PNMA3: variants seen among roughly 807,000 people sequenced by gnomAD.
PNMA3 encodes the protein PNMA family member 3.
In PNMA3, 10 loss-of-function variants were observed where a neutral mutation model predicts 25.1. The observed-to-expected ratio is 0.40, with a 90% CI of 0.25 to 0.68. The LOEUF (loss-of-function observed/expected upper bound fraction) is 0.68, where lower values mean the gene tolerates loss of function less well. Ranked by LOEUF, PNMA3 falls within the 30% of genes least tolerant of loss-of-function variation. PNMA3 has a pLI of 0.40. For synonymous variants in PNMA3, 134 were observed against 148.7 expected (o/e 0.90, Z 0.72); for missense variants, 317 against 372.1 (o/e 0.85, Z 1.22).
In PNMA3 at chrX:153,057,685, G is replaced by A. The variant is rs782124696; in HGVS notation, c.630G>A (p.Arg210=). 1.4e-5 allele frequency: 17 copies of A among 1,210,491 alleles called. No homozygotes were observed. The African/African-American group carries it at 2.6e-4, about 19-fold the overall frequency. ...GGCGGAGGCTGATGGAATGCTTACG[G>A]GGCCCTGCTCTCCAGGTGGTCAGTG... ...EKRRRLMECL[R]GPALQVVSGL... The change falls in exon 2 of 2, where the codon CGG becomes CGA. Residue 210 remains arginine, a synonymous_variant. Transcript: ENST00000593810.
Position 153,059,949 on chromosome X carries a change from C to T in PNMA3, c.*1502C>T, listed in dbSNP as rs781904962. The T allele has an allele frequency of 8.0e-6, 1 of 124,859 alleles. No homozygotes were observed. The highest frequency in any genetic ancestry group is 2.8e-4 in the East Asian group (1 of 3,589). 10.3% of individuals were successfully genotyped at this position (124,859 alleles called of 1,213,427 possible). A position where few individuals can be genotyped will look rare whatever the true frequency, so the allele number is the denominator to read the frequency against. ...CACCAGGGCAAGGCGGACGCTCACCCTGTGACCACGATGGTGACCGTGACT... is the reference window on the plus strand; with the variant it reads ...CACCAGGGCAAGGCGGACGCTCACCTTGTGACCACGATGGTGACCGTGACT... On this transcript the variant is annotated 3_prime_UTR_variant, in exon 2 of 2. Transcript: ENST00000593810.
chrX:153,056,966 C>T lies in PNMA3; in HGVS notation c.-90C>T, dbSNP rs112872629. On this transcript the variant is annotated 5_prime_UTR_variant, in exon 2 of 2. Transcript: ENST00000593810. ...CATTCACAGGCTGTGGAGACCTGGG[C>T]CTTCTGCGATCACCCTAGGAGTTGA... 20 of 1,116,965 alleles carry T rather than the reference C, an allele frequency of 1.8e-5. No individual in the cohort carries two copies. Among genetic ancestry groups the T allele is most frequent in the Non-Finnish European group, 2.1e-5 (18 of 838,879 alleles). The allele number at this position is 1,116,965 out of a possible 1,213,427, so 92.1% of individuals were successfully genotyped here.
intron 1 of PNMA3, 131 bp from the exon 2 acceptor site, chrX:153,056,819 G>A: frequency 5.5e-6 from 2 of 361,467 alleles, no homozygotes; most frequent in Non-Finnish European, 9.3e-6. Context: ...GGGCTGGGCA[G>A]GGGCGGGGCC....
chrX:153,057,419 C>T lies in PNMA3; in HGVS notation c.364C>T (p.Arg122Ter), dbSNP rs2051150775. The part of the protein sequence containing the change: ...EERRTVSDMN[R>*]VLGSDTNCSA... ...GAGGCGGACCGTGTCAGATATGAACCGAGTCCTCGGGTCGGACACCAATTG... is the reference window on the plus strand; with the variant it reads ...GAGGCGGACCGTGTCAGATATGAACTGAGTCCTCGGGTCGGACACCAATTG... The change falls in exon 2 of 2, where the codon CGA becomes TGA. Residue 122 changes from arginine (R) to a stop codon, truncating the protein, a stop_gained. Transcript: ENST00000593810. LOFTEE classifies it high-confidence loss of function. 8.3e-7 allele frequency: 1 copy of T among 1,209,347 alleles called. No individual in the cohort carries two copies. The highest frequency in any genetic ancestry group is 3.0e-5 in the East Asian group (1 of 33,747).
rs6526155 is a variant in PNMA3 at position 153,058,185 on chromosome X, C to G, written c.1130C>G (p.Ala377Gly). The change falls in exon 2 of 2, where the codon GCG (alanine) becomes GGG (glycine). Residue 377 changes from alanine (A) to glycine (G), a missense_variant. Ala to Gly is a moderately conservative substitution (Grantham distance 60). Coordinates refer to ENST00000593810, the MANE Select transcript of PNMA3 (RefSeq NM_013364.6). ...CCTGCCTCTGGCAACAGTTTTGATG[C>G]GAGGCCTTCCCAGGGCTACCGGCGC... ...PLPASGNSFD[A>G]RPSQGYRRRR... The G allele has an allele frequency of 8.3e-7, 1 of 1,211,148 alleles. No individual in the cohort carries two copies. Among genetic ancestry groups the G allele is most frequent in the Non-Finnish European group, 1.1e-6 (1 of 895,057 alleles).
chrX:153,056,818 A>T, intron 1 of PNMA3, 132 bp from the exon 2 acceptor site: 2 of 209,074 alleles, frequency 9.6e-6, no homozygotes, highest in Non-Finnish European at 7.6e-6. Context: ...GGGGCTGGGC[A>T]GGGGCGGGGC....
rs35603712 is a variant in PNMA3, at chrX:153,058,212, G to A, written c.1157G>A (p.Arg386Gln). The A allele has an allele frequency of 7.9e-4, 962 of 1,210,862 alleles. 4 individuals are homozygous for A. In the African/African-American group the frequency reaches 0.015, roughly 19 times the overall value. Residue 386 changes from arginine (R) to glutamine (Q), a missense_variant, in exon 2 of 2, where the codon CGG (arginine) becomes CAG (glutamine). Transcript: ENST00000593810. ...AGGCCTTCCCAGGGCTACCGGCGCC[G>A]GAGGGGCAGAGGCCAACACCGAAGG... ...DARPSQGYRR[R>Q]RGRGQHRRGG... is the part of the protein sequence containing the mutation.
rs900820132 is a variant in PNMA3 at position 153,058,159 on chromosome X, C to T, written c.1104C>T (p.Leu368=). Residue 368 remains leucine (L), a synonymous_variant, in exon 2 of 2, where the codon CTC becomes CTT. Coordinates refer to ENST00000593810, the MANE Select transcript of PNMA3 (RefSeq NM_013364.6). ...ARITGVGAVP[L]PASGNSFDAR... ...TCACTGGGGTTGGGGCAGTACCTCT[C>T]CCTGCCTCTGGCAACAGTTTTGATG... 2 of 1,210,753 alleles carry T rather than the reference C, an allele frequency of 1.7e-6. No homozygotes were observed. Among genetic ancestry groups the T allele is most frequent in the Non-Finnish European group, 2.2e-6 (2 of 895,292 alleles).
rs782532724 is a variant in PNMA3, at chrX:153,057,663, G to A, written c.608G>A (p.Arg203Gln). Residue 203 changes from arginine to glutamine, a missense_variant, in exon 2 of 2, where the codon CGG becomes CAG. By Grantham distance (43) the Arg-to-Gln change is conservative. Coordinates refer to ENST00000593810, the MANE Select transcript of PNMA3 (RefSeq NM_013364.6). ...MWQVPEGEKR[R>Q]RLMECLRGPA... The stretch of plus-strand genomic sequence containing the variant: ...CAGGTGCCCGAGGGGGAAAAGAGGC[G>A]GAGGCTGATGGAATGCTTACGGGGC... 1.7e-6 allele frequency: 2 copies of A among 1,211,711 alleles called. No homozygotes were observed. The highest frequency in any genetic ancestry group is 3.0e-5 in the East Asian group (1 of 33,839).
Position 153,058,179 on chromosome X carries a change from T to C in PNMA3, c.1124T>C (p.Phe375Ser), listed in dbSNP as rs1556932376. 8.3e-7 allele frequency: 1 copy of C among 1,211,899 alleles called. No individual in the cohort carries two copies. Among genetic ancestry groups the C allele is most frequent in the Admixed American group, 2.2e-5 (1 of 46,135 alleles). Reference sequence around the variant, plus strand: ...CCTCTCCCTGCCTCTGGCAACAGTTTTGATGCGAGGCCTTCCCAGGGCTAC... The same window carrying C: ...CCTCTCCCTGCCTCTGGCAACAGTTCTGATGCGAGGCCTTCCCAGGGCTAC... ...AVPLPASGNS[F>S]DARPSQGYRR... is the part of the protein sequence containing the mutation. Residue 375 changes from phenylalanine (F) to serine (S), a missense_variant, in exon 2 of 2, where the codon TTT becomes TCT. By Grantham distance (155) the Phe-to-Ser change is radical. Transcript: ENST00000593810.
At position 153,059,550 on chromosome X, in the gene PNMA3, G is replaced by A. The variant is rs1556932740; in HGVS notation, c.*1103G>A. The A allele has an allele frequency of 2.4e-5, 3 of 123,484 alleles. No homozygotes were observed. The highest frequency in any genetic ancestry group is 3.8e-5 in the Non-Finnish European group (2 of 53,223). The allele number at this position is 123,484 out of a possible 1,213,427, so 10.2% of individuals were successfully genotyped here. On this transcript the variant is annotated 3_prime_UTR_variant, in exon 2 of 2. Transcript: ENST00000593810. ...GGTGCCAGATGCCTGGGTCTCCCAA[G>A]AGGGGTCCCCCAACTCACTGTTCCC...
In PNMA3 at chrX:153,057,821, G is replaced by A; in HGVS notation, c.766G>A (p.Ala256Thr). The part of the protein sequence containing the change: ...HKIAQVKLCK[A>T]YQEAGEKVSS... The stretch of plus-strand genomic sequence containing the variant: ...AATTGCCCAGGTGAAGTTGTGTAAA[G>A]CCTATCAGGAGGCAGGAGAGAAAGT... The change falls in exon 2 of 2, where the codon GCC becomes ACC. Residue 256 changes from alanine to threonine, a missense_variant. By Grantham distance (58) the Ala-to-Thr change is moderately conservative. Coordinates refer to ENST00000593810, the MANE Select transcript of PNMA3 (RefSeq NM_013364.6). 8.2e-7 allele frequency: 1 copy of A among 1,212,508 alleles called. No individual in the cohort carries two copies.
In PNMA3 at chrX:153,057,592, C is replaced by G. The variant is rs782084967; in HGVS notation, c.537C>G (p.Ala179=). 6.6e-6 allele frequency: 8 copies of G among 1,211,558 alleles called. No individual in the cohort carries two copies. Among genetic ancestry groups the G allele is most frequent in the Non-Finnish European group, 8.9e-6 (8 of 895,432 alleles). ...GNTISIPGAL[A]FDAWLEHTTE... ...CCATATCCATCCCAGGTGCACTGGCCTTTGATGCCTGGCTTGAGCACACCA... is the reference window on the plus strand; with the variant it reads ...CCATATCCATCCCAGGTGCACTGGCGTTTGATGCCTGGCTTGAGCACACCA... Residue 179 remains alanine, a synonymous_variant, in exon 2 of 2, where the codon GCC becomes GCG. Coordinates refer to ENST00000593810, the MANE Select transcript of PNMA3 (RefSeq NM_013364.6).
rs1175953677 is a variant in PNMA3 at position 153,058,016 on chromosome X, C to G, written c.961C>G (p.Pro321Ala). The G allele has an allele frequency of 4.1e-6, 5 of 1,210,897 alleles. No homozygotes were observed. The highest frequency in any genetic ancestry group is 5.6e-6 in the Non-Finnish European group (5 of 895,407). ...LKLMKQRRKP[P>A]GFLALVKLLR... ...GCTGATGAAACAGCGAAGGAAGCCTCCTGGTTTCCTGGCCCTGGTGAAGCT... is the reference window on the plus strand; with the variant it reads ...GCTGATGAAACAGCGAAGGAAGCCTGCTGGTTTCCTGGCCCTGGTGAAGCT... Residue 321 changes from proline (P) to alanine (A), a missense_variant, in exon 2 of 2, where the codon CCT (proline) becomes GCT (alanine). Physicochemically the swap from Pro to Ala is conservative, Grantham distance 27. Transcript: ENST00000593810.
chrX:153,056,926 C>T (rs1476594114), intron 1 of PNMA3, 24 bp from the exon 2 acceptor site: 2 of 959,235 alleles, frequency 2.1e-6, no homozygotes, highest in Admixed American at 3.1e-5. Flanking sequence ...ATTAACCTCG[C>T]TCTCGCCCTG....
chrX:153,058,882 C>T lies in PNMA3; in HGVS notation c.*435C>T. On this transcript the variant is annotated 3_prime_UTR_variant, in exon 2 of 2. Transcript: ENST00000593810. The stretch of plus-strand genomic sequence containing the variant: ...CCAGGCCACATGGGACCTGGAGGAG[C>T]CTACCTGGGGCCTGCCCCTGCCAGC... The T allele has an allele frequency of 3.3e-6, 1 of 304,564 alleles. No homozygotes were observed. Among genetic ancestry groups the T allele is most frequent in the Non-Finnish European group, 6.1e-6 (1 of 165,032 alleles). 25.1% of individuals were successfully genotyped at this position (304,564 alleles called of 1,213,427 possible).
Position 153,058,524 on chromosome X carries a change from G to T in PNMA3, c.*77G>T. 1 of 1,209,313 alleles carries T rather than the reference G, an allele frequency of 8.3e-7. No individual in the cohort carries two copies. The highest frequency in any genetic ancestry group is 1.7e-5 in the African/African-American group (1 of 57,839). On this transcript the variant is annotated 3_prime_UTR_variant, in exon 2 of 2. Transcript: ENST00000593810. ...GATATTGGAAGGAGGGGAAAGAGAA[G>T]CCCAGACAAACAGCAGATGAGTTGA...
At position 153,057,136 on chromosome X, in the gene PNMA3, C is replaced by T. The variant is rs1556932052; in HGVS notation, c.81C>T (p.Pro27=). 7 of 1,209,986 alleles carry T rather than the reference C, an allele frequency of 5.8e-6. No homozygotes were observed. The highest frequency in any genetic ancestry group is 3.0e-5 in the East Asian group (1 of 33,735). ...TRRCMLILGI[P]EDCGEDEFEE... ...GGTGCATGCTCATCCTGGGGATCCC[C>T]GAGGACTGTGGCGAGGATGAGTTTG... is the stretch of plus-strand genomic sequence containing the variant. The change falls in exon 2 of 2, where the codon CCC becomes CCT. Residue 27 remains proline (P), a synonymous_variant. Coordinates refer to ENST00000593810, the MANE Select transcript of PNMA3 (RefSeq NM_013364.6).
In PNMA3 at chrX:153,059,327, C is replaced by A. The variant is rs1489658147; in HGVS notation, c.*880C>A. 8.1e-6 allele frequency: 1 copy of A among 122,868 alleles called. No individual in the cohort carries two copies. The highest frequency in any genetic ancestry group is 1.9e-5 in the Non-Finnish European group (1 of 53,152). The allele number at this position is 122,868 out of a possible 1,213,427, so 10.1% of individuals were successfully genotyped here. A position where few individuals can be genotyped will look rare whatever the true frequency, so the allele number is the denominator to read the frequency against. ...GAGATCAAGCAAGGAGAACCTGGGG[C>A]TGCCATGGCCAAAGCAACTCAACAG... On this transcript the variant is annotated 3_prime_UTR_variant, in exon 2 of 2. Transcript: ENST00000593810.
Sources: gnomAD v4.1 joint callset for allele counts on GRCh38, gnomAD v4.1.1 for gene constraint, MANE v1.5 for transcripts, NCBI Gene and HGNC (gene_info 2026-07-23, HGNC 2026-07-21) for gene names.